APPBP2: variants seen among roughly 807,000 people sequenced by gnomAD.
The protein encoded by APPBP2 is amyloid protein-binding protein 2.
In APPBP2, 15 loss-of-function variants were observed where a neutral mutation model predicts 76.0. The observed-to-expected ratio is 0.20, with a 90% CI of 0.13 to 0.30. APPBP2 has a LOEUF of 0.30. Among genes scored for constraint, APPBP2 ranks in the 10% least tolerant of loss-of-function variants. The probability of loss-of-function intolerance (pLI) is 1.00; values close to 1 mark genes in which losing one functional copy is unlikely to be tolerated. For missense variants in APPBP2, 401 were observed against 687.2 expected (o/e 0.58, Z 4.66); for synonymous variants, 222 against 242.2 (o/e 0.92, Z 0.77).
intron 5 of APPBP2, chr17:60,465,055 A>G (rs1479786822): frequency 6.6e-6 from 1 of 152,174 alleles, no homozygotes; most frequent in Non-Finnish European, 1.5e-5. Flanking sequence ...ACAAACAAAG[A>G]CAAGTGTGGC....
chr17:60,498,276 G>T (rs1013282686), intron 2 of APPBP2, among the ~76,000 whole-genome samples: 25 of 152,112 alleles, frequency 1.6e-4, no homozygotes, highest in Non-Finnish European at 1.5e-5. Context: ...TTTCCAAAGG[G>T]GATAGAAGGA....
In APPBP2 at chr17:60,454,473, A is replaced by G; in HGVS notation, c.1167T>C (p.Ile389=). Residue 389 remains isoleucine (I), a synonymous_variant, in exon 11 of 13, where the codon ATT becomes ATC. Coordinates refer to ENST00000083182, the MANE Select transcript of APPBP2 (RefSeq NM_006380.5). ...KRVKALILEE[I]AIDCHNKETE... ...TTTCCTTATTATGACAATCAATTGC[A>G]ATCTCCTCTAAAATAAGTGCTAAAA... The G allele has an allele frequency of 6.2e-7, 1 of 1,601,442 alleles. No homozygotes were observed. The highest frequency in any genetic ancestry group is 8.5e-7 in the Non-Finnish European group (1 of 1,175,730).
chr17:60,490,300 G>A (rs2090717392), intron 3 of APPBP2, among the ~76,000 whole-genome samples: 1 of 152,136 alleles, frequency 6.6e-6, no homozygotes, highest in African/African-American at 2.4e-5. Flanking sequence ...TGTGACCACT[G>A]GGGGAAGCTG....
chr17:60,457,390 G>C (rs928470074), intron 9 of APPBP2, among the ~76,000 whole-genome samples: 2 of 151,644 alleles, frequency 1.3e-5, no homozygotes, highest in Non-Finnish European at 2.9e-5. Context: ...CTAAACTTCT[G>C]TTTAACTTGT....
At chr17:60,494,900 C>A (rs539541058) in intron 2 of APPBP2, among the ~76,000 whole-genome samples, 1 of 151,592 alleles carries the variant, frequency 6.6e-6, no homozygotes, top group Admixed American at 6.6e-5. Context: ...CTTTTAAAAA[C>A]CAAATTATAA....
chr17:60,488,505 G>A (rs2090699729), intron 3 of APPBP2, among the ~76,000 whole-genome samples: 1 of 152,186 alleles, frequency 6.6e-6, no homozygotes, highest in African/African-American at 2.4e-5. Context: ...CCTGGTGTTG[G>A]AGAGAAATGG....
intron 1 of APPBP2, among the ~76,000 whole-genome samples, chr17:60,521,740 C>T (rs1300109007): frequency 1.3e-5 from 2 of 152,132 alleles, no homozygotes; most frequent in Non-Finnish European, 2.9e-5. Context: ...TGAATGAGAC[C>T]CAACAGAAAT....
chr17:60,468,263 A>C (rs1474623093), intron 4 of APPBP2, among the ~76,000 whole-genome samples: 1 of 152,172 alleles, frequency 6.6e-6, no homozygotes, highest in South Asian at 2.1e-4. Flanking sequence ...TAGCAAAGCC[A>C]AGAGGGGAAG....
At position 60,452,010 on chromosome 17, in the gene APPBP2, A is replaced by T. The variant is rs1426396787; in HGVS notation, c.1374T>A (p.Ile458=). 7 of 1,613,492 alleles carry T rather than the reference A, an allele frequency of 4.3e-6. No individual in the cohort carries two copies. Among genetic ancestry groups the T allele is most frequent in the Non-Finnish European group, 5.9e-6 (7 of 1,179,874 alleles). ...AEEMHIKAIQ[I]KEQLLGQEDY... ...CTTCTTGACCAAGAAGTTGTTCTTT[A>T]ATCTGAATTGCTTTGATGTGCATTT... is the stretch of plus-strand genomic sequence containing the variant. The change falls in exon 12 of 13, where the codon ATT becomes ATA. Residue 458 remains isoleucine, a synonymous_variant. Coordinates refer to ENST00000083182, the MANE Select transcript of APPBP2 (RefSeq NM_006380.5).
At chr17:60,448,269 C>T (rs1172588267) in intron 12 of APPBP2, among the ~76,000 whole-genome samples, 1 of 152,092 alleles carries the variant, frequency 6.6e-6, no homozygotes, top group East Asian at 1.9e-4. Context: ...ATGGTGAAAG[C>T]CTGGCCAACA....
intron 1 of APPBP2, among the ~76,000 whole-genome samples, chr17:60,525,482 G>A (rs1362211648): frequency 1.3e-5 from 2 of 152,194 alleles, no homozygotes; most frequent in African/African-American, 2.4e-5. Context: ...TAGAAGGAAA[G>A]GACTAGGTGG....
chr17:60,462,374 G>A (rs905425503), intron 6 of APPBP2: 12 of 239,388 alleles, frequency 5.0e-5, no homozygotes, highest in Non-Finnish European at 7.9e-5. Flanking sequence ...TAAAACAATG[G>A]GGGCAGAATT....
Position 60,447,848 on chromosome 17 carries a change from G to T in APPBP2, c.1505-14C>A. ...AAAGTTTCTTCCCTGTAACAAAAAA[G>T]AAAAAGGAAAAAAAAAAAAGCACAA... On this transcript the variant is annotated splice_polypyrimidine_tract_variant and intron_variant, in intron 12 of 12. Coordinates refer to ENST00000083182, the MANE Select transcript of APPBP2 (RefSeq NM_006380.5). 2.1e-6 allele frequency: 3 copies of T among 1,404,102 alleles called. No homozygotes were observed. Among genetic ancestry groups the T allele is most frequent in the African/African-American group, 1.5e-5 (1 of 65,128 alleles). The allele number at this position is 1,404,102 out of a possible 1,614,324, so 87.0% of individuals were successfully genotyped here. A position where few individuals can be genotyped will look rare whatever the true frequency, so the allele number is the denominator to read the frequency against.
intron 3 of APPBP2, among the ~76,000 whole-genome samples, chr17:60,488,974 G>A (rs562379788): frequency 1.3e-5 from 2 of 152,076 alleles, no homozygotes; most frequent in South Asian, 4.2e-4. Flanking sequence ...TGTAATCCCA[G>A]CACTTTGGGA....
intron 1 of APPBP2, among the ~76,000 whole-genome samples, chr17:60,515,244 T>G (rs1713125219): frequency 6.6e-6 from 1 of 151,468 alleles, no homozygotes; most frequent in Non-Finnish European, 1.5e-5. Context: ...GCCTTTCAAG[T>G]AGCTGGGATT....
intron 3 of APPBP2, among the ~76,000 whole-genome samples, chr17:60,481,245 T>C (rs2090626086): frequency 6.6e-6 from 1 of 152,290 alleles, no homozygotes; most frequent in South Asian, 2.1e-4. Flanking sequence ...TTGTCCATAA[T>C]ACCCTACTGT....
At chr17:60,476,928 G>A (rs1286220295) in intron 4 of APPBP2, among the ~76,000 whole-genome samples, 1 of 152,108 alleles carries the variant, frequency 6.6e-6, no homozygotes, top group Non-Finnish European at 1.5e-5. Context: ...GTAGACCCAT[G>A]AGTTCATTCA....
At chr17:60,473,570 T>G (rs73326497) in intron 4 of APPBP2, among the ~76,000 whole-genome samples, 12,507 of 152,178 alleles carry the variant, frequency 0.082, 1,703 homozygotes, top group African/African-American at 0.28. Context: ...AGCCCAGTAT[T>G]TTGGGAGGCC....
intron 12 of APPBP2, among the ~76,000 whole-genome samples, chr17:60,450,104 T>C (rs1200217918): frequency 6.6e-6 from 1 of 151,426 alleles, no homozygotes; most frequent in Non-Finnish European, 1.5e-5. Flanking sequence ...GCTGAAAAGA[T>C]TTCTTAAACA....
Sources: gnomAD v4.1 joint callset for allele counts (sites outside exome capture counted in the v4.1 genomes callset) on GRCh38, gnomAD v4.1.1 for gene constraint, MANE v1.5 for transcripts, NCBI Gene and HGNC (gene_info 2026-07-23, HGNC 2026-07-21) for gene names.